EHBP1: variants seen among roughly 807,000 people sequenced by gnomAD.
EHBP1 encodes the protein EH domain-binding protein 1.
Under a neutral mutation model 144.0 loss-of-function variants are expected in EHBP1, and 55 were observed. The observed-to-expected ratio is 0.38, with a 90% CI of 0.31 to 0.48. EHBP1 has a LOEUF of 0.48. Ranked by LOEUF, EHBP1 falls within the 20% of genes least tolerant of loss-of-function variation. EHBP1 has a pLI of 0.98. For missense variants in EHBP1, 1,200 were observed against 1,364.2 expected (o/e 0.88, Z 1.90); for synonymous variants, 469 against 472.7 (o/e 0.99, Z 0.10).
chr2:62,879,021 A>T (rs2051135196), intron 10 of EHBP1, among the ~76,000 whole-genome samples: 1 of 151,966 alleles, frequency 6.6e-6, no homozygotes, highest in Admixed American at 6.6e-5. Context: ...CTGTCTCAAA[A>T]AAAAAAAAAA....
chr2:62,794,447 T>C (rs904121456), intron 5 of EHBP1, among the ~76,000 whole-genome samples: 1 of 152,072 alleles, frequency 6.6e-6, no homozygotes, highest in Non-Finnish European at 1.5e-5. Context: ...TGTATTCATA[T>C]ATTAAGTAAA....
chr2:62,898,745 GGAGAGAAGGAAGGAAGGAAAA>G (rs1446927474), intron 10 of EHBP1, among the ~76,000 whole-genome samples: 1 of 152,064 alleles, frequency 6.6e-6, no homozygotes. Flanking sequence ...AAAGAAAGAG[GGAGAGAAGGAAGGAAGGAAAA>G]GAGAGAAGGA....
chr2:62,986,851 A>G (rs186265588), intron 15 of EHBP1, among the ~76,000 whole-genome samples: 1 of 152,332 alleles, frequency 6.6e-6, no homozygotes, highest in Admixed American at 6.5e-5. Context: ...GCATTTACTT[A>G]GGAAGCCAAA....
In EHBP1 at chr2:62,831,860, A is replaced by AT. The variant is rs1226869668; in HGVS notation, c.634+708dup. Among the ~76,000 whole-genome samples, 9 of 152,102 alleles carry AT rather than the reference A, an allele frequency of 5.9e-5. No individual in the cohort carries two copies. The East Asian group carries it at 1.5e-3, about 26-fold the overall frequency. The stretch of plus-strand genomic sequence containing the variant: ...TCTATCATCTGTTTACCTCCTGGTG[A>AT]TTTTTTCAAATTCATTTGGGCACTT... On this transcript the variant is annotated intron_variant, in intron 7 of 22. Transcript: ENST00000431489.
At chr2:63,038,369 A>C (rs1232720733) in intron 20 of EHBP1, among the ~76,000 whole-genome samples, 12 of 152,246 alleles carry the variant, frequency 7.9e-5, no homozygotes, top group East Asian at 3.9e-4. Context: ...TTAAATTTGC[A>C]CTGCTGGTAC....
intron 4 of EHBP1, among the ~76,000 whole-genome samples, chr2:62,765,917 A>G (rs1419207474): frequency 1.3e-5 from 2 of 152,046 alleles, no homozygotes; most frequent in Non-Finnish European, 2.9e-5. Flanking sequence ...CTTTATATAC[A>G]ATTCTTTTTC....
At chr2:63,009,094 G>A (rs1257178298) in intron 19 of EHBP1, among the ~76,000 whole-genome samples, 2 of 151,576 alleles carry the variant, frequency 1.3e-5, no homozygotes, top group African/African-American at 2.4e-5. Flanking sequence ...GTGCACTTTG[G>A]TAGTTCATTT....
At chr2:63,030,554 CTCG>C (rs532389482) in intron 19 of EHBP1, among the ~76,000 whole-genome samples, 6 of 151,978 alleles carry the variant, frequency 3.9e-5, no homozygotes, top group African/African-American at 1.4e-4. Context: ...GTGGTGCAAT[CTCG>C]GCCCACTGCA....
chr2:63,029,462 G>A (rs928124507), intron 19 of EHBP1, among the ~76,000 whole-genome samples: 1 of 149,730 alleles, frequency 6.7e-6, no homozygotes, highest in Non-Finnish European at 1.5e-5. Flanking sequence ...GCCTTTGAGG[G>A]CAGGGACCAC....
intron 3 of EHBP1, among the ~76,000 whole-genome samples, chr2:62,749,587 T>C (rs2039481058): frequency 6.6e-6 from 1 of 152,196 alleles, no homozygotes; most frequent in Non-Finnish European, 1.5e-5. Context: ...GTTGAACTAG[T>C]TTACAGTCCT....
intron 3 of EHBP1, among the ~76,000 whole-genome samples, chr2:62,751,634 AGCTATTAATTATT>A: frequency 6.6e-6 from 1 of 152,070 alleles, no homozygotes; most frequent in East Asian, 1.9e-4. Flanking sequence ...TTGGTTGGTA[AGCTATTAATTATT>A]GCCTCAATTT....
intron 2 of EHBP1, among the ~76,000 whole-genome samples, chr2:62,711,127 GAA>G (rs1401124659): frequency 6.6e-6 from 1 of 152,098 alleles, no homozygotes; most frequent in African/African-American, 2.4e-5. Context: ...TAGGTGGTGA[GAA>G]ATGGTCAGAC....
intron 16 of EHBP1, among the ~76,000 whole-genome samples, chr2:62,991,517 T>G (rs1355192286): frequency 6.6e-6 from 1 of 152,196 alleles, no homozygotes; most frequent in Non-Finnish European, 1.5e-5. Context: ...ATGTATGTTA[T>G]TTGTAAGAAT....
chr2:62,716,671 T>C (rs1332842560), intron 2 of EHBP1, among the ~76,000 whole-genome samples: 1 of 151,914 alleles, frequency 6.6e-6, no homozygotes, highest in Non-Finnish European at 1.5e-5. Flanking sequence ...TGCCACGGAG[T>C]TGATGCAGTT....
intron 5 of EHBP1, among the ~76,000 whole-genome samples, chr2:62,825,125 C>T (rs1431564978): frequency 5.9e-5 from 9 of 151,916 alleles, no homozygotes; most frequent in Non-Finnish European, 1.2e-4. Context: ...AATAATGGTA[C>T]ATGATTTCTG....
chr2:62,747,672 A>G (rs937373952), intron 3 of EHBP1, among the ~76,000 whole-genome samples: 43 of 151,886 alleles, frequency 2.8e-4, no homozygotes, highest in African/African-American at 1.0e-3. Flanking sequence ...GGTAATTACT[A>G]TGGTTTGAAA....
At chr2:62,743,404 G>A (rs919044169) in intron 2 of EHBP1, among the ~76,000 whole-genome samples, 1 of 151,940 alleles carries the variant, frequency 6.6e-6, no homozygotes, top group Non-Finnish European at 1.5e-5. Context: ...TCTTCTCTAT[G>A]TTCTCCAAGG....
chr2:62,855,528 G>T (rs1334923739), intron 7 of EHBP1, among the ~76,000 whole-genome samples: 1 of 152,164 alleles, frequency 6.6e-6, no homozygotes, highest in African/African-American at 2.4e-5. Context: ...TGGGGGCCAG[G>T]CTGCCAGTTC....
At chr2:62,839,242 C>A (rs1426856771) in intron 7 of EHBP1, among the ~76,000 whole-genome samples, 7 of 152,052 alleles carry the variant, frequency 4.6e-5, no homozygotes, top group South Asian at 4.2e-4. Flanking sequence ...GACAAAAACC[C>A]CATGATTATC....
Sources: gnomAD v4.1 joint callset for allele counts (sites outside exome capture counted in the v4.1 genomes callset) on GRCh38, gnomAD v4.1.1 for gene constraint, MANE v1.5 for transcripts, NCBI Gene and HGNC (gene_info 2026-07-23, HGNC 2026-07-21) for gene names.